The following IRAG2 variants were observed in gnomAD, a reference collection of about 807,000 sequenced individuals.
IRAG2 encodes lymphoid restricted membrane protein.
A neutral mutation model predicts 69.9 loss-of-function variants in IRAG2; 45 were observed. The ratio of observed to expected loss-of-function variants is 0.64; its 90% CI spans 0.51 to 0.83. The LOEUF is 0.83. Ranked by LOEUF, IRAG2 falls within the 40% of genes least tolerant of loss-of-function variation. The probability of loss-of-function intolerance (pLI) is 0.00; values close to 1 mark genes in which losing one functional copy is unlikely to be tolerated. For missense variants in IRAG2, 520 were observed against 587.0 expected, an observed-to-expected ratio of 0.89 and a Z score of 1.18; for synonymous variants, 193 against 202.4, an observed-to-expected ratio of 0.95 and a Z score of 0.40.
intron 5 of IRAG2, among the ~76,000 whole-genome samples, chr12:25,016,811 C>A (rs1373823234): frequency 1.3e-5 from 2 of 151,176 alleles, no homozygotes; most frequent in African/African-American, 4.9e-5. Context: ...ATATTCCAGG[C>A]AGAAATAGGA....
At chr12:25,061,771 T>C (rs1945651780) in intron 2 of IRAG2, 118 bp downstream of exon 2, 1 of 395,478 alleles carries the variant, frequency 2.5e-6, no homozygotes, top group Admixed American at 4.4e-5. Flanking sequence ...ATAACCAGTT[T>C]AGAAGAAAAT....
At chr12:25,026,738 A>G (rs1055741909) in intron 8 of IRAG2, 5 of 884,130 alleles carry the variant, frequency 5.7e-6, no homozygotes, top group Middle Eastern at 3.9e-4. Flanking sequence ...GTTTGTCCTC[A>G]TCTTTTATTT....
At chr12:25,015,933 C>A (rs181849248) in intron 5 of IRAG2, among the ~76,000 whole-genome samples, 2 of 152,184 alleles carry the variant, frequency 1.3e-5, no homozygotes, top group South Asian at 2.1e-4. Context: ...CGGTGCCTCA[C>A]GCCTGTAATC....
intron 14 of IRAG2, among the ~76,000 whole-genome samples, chr12:25,095,650 A>G (rs1376686141): frequency 6.6e-6 from 1 of 152,062 alleles, no homozygotes; most frequent in African/African-American, 2.4e-5. Context: ...GGTAATGTGG[A>G]CTTCATAGAA....
At chr12:25,002,119 C>T (rs1435548748), upstream of IRAG2, among the ~76,000 whole-genome samples, 1 of 152,096 alleles carries the variant, frequency 6.6e-6, no homozygotes, top group Admixed American at 6.5e-5. Context: ...TGTGTTCCTG[C>T]CAAGTCAGTC....
At chr12:25,025,734 A>G (rs1322512257) in intron 8 of IRAG2, among the ~76,000 whole-genome samples, 2 of 152,214 alleles carry the variant, frequency 1.3e-5, no homozygotes. Flanking sequence ...GTTGCAGTGG[A>G]GGTGGACAGA....
chr12:25,075,403 T>C (rs1003889370), intron 6 of IRAG2, among the ~76,000 whole-genome samples: 4 of 152,168 alleles, frequency 2.6e-5, no homozygotes, highest in Non-Finnish European at 5.9e-5. Flanking sequence ...GTATTTCATA[T>C]AAAAGAGCAA....
upstream of IRAG2, among the ~76,000 whole-genome samples, chr12:25,048,632 G>A (rs776392331): frequency 1.3e-5 from 2 of 152,054 alleles, no homozygotes; most frequent in Non-Finnish European, 2.9e-5. Context: ...TTGTAAATTT[G>A]TTAAAGTTCC....
At chr12:25,103,696 A>G (rs1948878396) in intron 17 of IRAG2, 141 bp from the exon 18 acceptor site, 3 of 598,322 alleles carry the variant, frequency 5.0e-6, no homozygotes, top group Non-Finnish European at 8.7e-6. Flanking sequence ...TTTGGCCACA[A>G]GAGGATCCTT....
rs1948459398 is a variant in IRAG2, at chr12:25,097,032, AGCC to A, written c.730_732del (p.Ala244del). 1 of 1,609,174 alleles carries A rather than the reference AGCC, an allele frequency of 6.2e-7. No individual in the cohort carries two copies. Among genetic ancestry groups the A allele is most frequent in the African/African-American group, 1.3e-5 (1 of 74,600 alleles). ...TGGCCAGTAGGGCTGAGATGTTGGG[AGCC>A]ATCAATCAGGTAACCTGTCTTCATT... On this transcript the variant is annotated inframe_deletion, in exon 15 of 22. Coordinates refer to ENST00000556887, the MANE Select transcript of IRAG2 (RefSeq NM_001366544.2).
chr12:25,077,306 A>G (rs1439598677), intron 6 of IRAG2, among the ~76,000 whole-genome samples: 1 of 30,516 alleles, frequency 3.3e-5, no homozygotes, highest in African/African-American at 8.3e-5. Flanking sequence ...TGAAATATAT[A>G]TGATATATAT....
chr12:25,001,625 G>A (rs1944391599), upstream of IRAG2, among the ~76,000 whole-genome samples: 1 of 152,132 alleles, frequency 6.6e-6, no homozygotes. Context: ...AGTGACAGGA[G>A]GGGACAGGAT....
intron 20 of IRAG2, among the ~76,000 whole-genome samples, chr12:25,105,311 C>T (rs889555300): frequency 3.3e-5 from 5 of 152,106 alleles, no homozygotes; most frequent in South Asian, 2.1e-4. Context: ...CTCCTGACCT[C>T]GTGATCCGCC....
rs747599940 is a variant in IRAG2, at chr12:25,079,462, G to A, written c.136G>A (p.Asp46Asn). The A allele has an allele frequency of 1.9e-6, 3 of 1,611,026 alleles. No individual in the cohort carries two copies. In the Admixed American group the frequency reaches 5.0e-5, roughly 27 times the overall value. The change falls in exon 8 of 22, where the codon GAT (aspartate) becomes AAT (asparagine). Residue 46 changes from aspartate (D) to asparagine (N), a missense_variant and splice_region_variant. Physicochemically the swap from Asp to Asn is conservative, Grantham distance 23. Transcript: ENST00000556887. ...GACAGACGGTACTATAACTTCAAGT[G>A]GTAAGTGGATTTGGAAATAATATTA... ...SSTDGTITSS[D>N]PGLEILNMAS...
rs149730719 is a variant in IRAG2, at chr12:25,079,631, C to T, written c.137-25C>T. On this transcript the variant is annotated intron_variant, in intron 8 of 21. Coordinates refer to ENST00000556887, the MANE Select transcript of IRAG2 (RefSeq NM_001366544.2). ...TATAATATTATGTGCATAGTATTCG[C>T]ACCATTTGTTTCTCCTGTTGACAGA... is the stretch of plus-strand genomic sequence containing the variant. The T allele has an allele frequency of 3.7e-5, 53 of 1,434,076 alleles. 1 individual carries two copies. The African/African-American group carries it at 5.7e-4, about 16-fold the overall frequency. 88.8% of individuals were successfully genotyped at this position (1,434,076 alleles called of 1,614,324 possible).
At chr12:25,034,508 G>A (rs976865729) in intron 13 of IRAG2, among the ~76,000 whole-genome samples, 8 of 152,008 alleles carry the variant, frequency 5.3e-5, no homozygotes, top group African/African-American at 1.7e-4. Flanking sequence ...CATTTGTTTG[G>A]TAGACCCAGT....
In IRAG2 at chr12:25,052,907, A is replaced by G. The variant is rs1944932384; in HGVS notation, c.-496A>G. 1 of 398,592 alleles carries G rather than the reference A, an allele frequency of 2.5e-6. No homozygotes were observed. Among genetic ancestry groups the G allele is most frequent in the Middle Eastern group, 6.3e-4 (1 of 1,588 alleles). 24.7% of individuals were successfully genotyped at this position (398,592 alleles called of 1,614,324 possible). On this transcript the variant is annotated 5_prime_UTR_variant, in exon 1 of 22. Coordinates refer to ENST00000556887, the MANE Select transcript of IRAG2 (RefSeq NM_001366544.2). ...GGAACCTTCAAACTATAAATACTGAATTATCGAACACTTGCCAGGCACTTC... is the reference window on the plus strand; with the variant it reads ...GGAACCTTCAAACTATAAATACTGAGTTATCGAACACTTGCCAGGCACTTC...
At chr12:25,076,315 A>G (rs1946686792) in intron 6 of IRAG2, 2 of 729,940 alleles carry the variant, frequency 2.7e-6, no homozygotes, top group Non-Finnish European at 3.3e-6. Context: ...CCAAAATCAC[A>G]TAATTATTTG....
chr12:25,022,158 C>T (rs1004061715), intron 7 of IRAG2, among the ~76,000 whole-genome samples: 8 of 152,138 alleles, frequency 5.3e-5, no homozygotes, highest in Admixed American at 2.0e-4. Context: ...AATGAGCTAG[C>T]GCATGTAAAG....
Sources: allele counts gnomAD v4.1 joint callset (sites outside exome capture counted in the v4.1 genomes callset), GRCh38; gene constraint gnomAD v4.1.1; transcripts MANE v1.5; gene names NCBI Gene and HGNC (gene_info 2026-07-23, HGNC 2026-07-21).